Variants in DLG2 observed in about 807,000 individuals in gnomAD.
DLG2 encodes the protein disks large homolog 2.
In DLG2, 45 loss-of-function variants were observed where a neutral mutation model predicts 132.5. That is an observed-to-expected ratio of 0.34 (90% CI 0.27 to 0.44). The LOEUF (loss-of-function observed/expected upper bound fraction) is 0.44. Ranked by LOEUF, DLG2 falls within the 20% of genes least tolerant of loss-of-function variation. The pLI, the probability that DLG2 is intolerant of heterozygous loss-of-function variation, is 1.00. For missense variants in DLG2, 1,045 were observed against 1,196.9 expected, an observed-to-expected ratio of 0.87 and a Z score of 1.87; for synonymous variants, 424 against 419.6, an observed-to-expected ratio of 1.01 and a Z score of -0.13.
chr11:84,536,439 C>T (rs771393293), intron 6 of DLG2, among the ~76,000 whole-genome samples: 7 of 152,166 alleles, frequency 4.6e-5, no homozygotes, highest in Admixed American at 1.3e-4. Context: ...TGAGAATACA[C>T]GACACAATGA....
rs1274945652 is a variant in DLG2, at chr11:84,440,100, C to A, written c.519+94470G>T. 2.0e-5 allele frequency among the ~76,000 whole-genome samples: 3 copies of A among 152,104 alleles called. No homozygotes were observed. The East Asian group carries it at 5.8e-4, about 29-fold the overall frequency. ...TACTGGTTTTGCCTTTATGTTGAAC[C>A]TTTAGTGACCTTTTTTACACACCTG... On this transcript the variant is annotated intron_variant, in intron 7 of 27. Coordinates refer to ENST00000376104, the MANE Select transcript of DLG2 (RefSeq NM_001142699.3).
intron 6 of DLG2, among the ~76,000 whole-genome samples, chr11:84,678,839 T>C (rs2099721529): frequency 1.3e-5 from 2 of 152,090 alleles, no homozygotes; most frequent in East Asian, 1.9e-4. Flanking sequence ...CCATGTGACT[T>C]AGGTAATTTA....
chr11:84,545,346 A>G (rs2099387523), intron 6 of DLG2: 2 of 523,940 alleles, frequency 3.8e-6, no homozygotes, highest in Admixed American at 2.1e-5. Flanking sequence ...TGCTTCCATC[A>G]TTTACAAATC....
chr11:84,193,877 G>T (rs1566887702), intron 8 of DLG2, among the ~76,000 whole-genome samples: 2 of 152,166 alleles, frequency 1.3e-5, no homozygotes, highest in East Asian at 3.9e-4. Flanking sequence ...TTGGGCAAGG[G>T]GTGTTGTTGT....
At chr11:83,561,883 CTTTTTTTTTTTT>C (rs66514406) in intron 19 of DLG2, among the ~76,000 whole-genome samples, 2 of 87,966 alleles carry the variant, frequency 2.3e-5, no homozygotes, top group African/African-American at 4.6e-5. Flanking sequence ...GTATTTCTTT[CTTTTTTTTTTTT>C]TTTTTTTTTT....
At chr11:84,317,013 C>T (rs1485999613) in intron 7 of DLG2, 16 of 1,612,662 alleles carry the variant, frequency 9.9e-6, no homozygotes, top group Non-Finnish European at 1.4e-5. Flanking sequence ...GAACTGTACC[C>T]GAGCCCCTGA....
intron 8 of DLG2, among the ~76,000 whole-genome samples, chr11:84,235,002 C>A (rs1423104201): frequency 2.0e-5 from 3 of 152,188 alleles, no homozygotes; most frequent in African/African-American, 7.2e-5. Flanking sequence ...CGCTGTGAAG[C>A]CTGCGGCCTG....
At chr11:84,470,637 A>C (rs1303404276) in intron 7 of DLG2, among the ~76,000 whole-genome samples, 1 of 151,824 alleles carries the variant, frequency 6.6e-6, no homozygotes, top group Non-Finnish European at 1.5e-5. Flanking sequence ...TAAGAGATAC[A>C]ATTGCATAAA....
At chr11:84,635,204 G>T (rs1812666296) in intron 6 of DLG2, among the ~76,000 whole-genome samples, 1 of 152,232 alleles carries the variant, frequency 6.6e-6, no homozygotes, top group Admixed American at 6.5e-5. Flanking sequence ...CAGCTTGGGT[G>T]TGCCCATGTG....
At chr11:84,234,784 C>G (rs750523272) in intron 8 of DLG2, among the ~76,000 whole-genome samples, 2 of 152,186 alleles carry the variant, frequency 1.3e-5, no homozygotes, top group African/African-American at 4.8e-5. Context: ...AGAGAGCAGG[C>G]CCTGAAAGAA....
intron 14 of DLG2, among the ~76,000 whole-genome samples, chr11:83,960,865 A>G (rs1486175682): frequency 6.6e-6 from 1 of 151,950 alleles, no homozygotes. Context: ...AGGGGTGTGT[A>G]TGTGTATGTT....
At chr11:84,291,392 A>G (rs1467093468) in intron 7 of DLG2, among the ~76,000 whole-genome samples, 3 of 152,190 alleles carry the variant, frequency 2.0e-5, no homozygotes. Context: ...CTACCTTTTG[A>G]GTTATCATTA....
At chr11:85,283,776 T>C (rs1017245850) in intron 4 of DLG2, among the ~76,000 whole-genome samples, 1 of 151,810 alleles carries the variant, frequency 6.6e-6, no homozygotes, top group South Asian at 2.1e-4. Flanking sequence ...AGATGGCTGA[T>C]AGCATTGTTC....
chr11:83,716,238 A>C (rs1323406445), intron 18 of DLG2, among the ~76,000 whole-genome samples: 2 of 152,220 alleles, frequency 1.3e-5, no homozygotes, highest in African/African-American at 2.4e-5. Flanking sequence ...AGAAAACCAC[A>C]TATCAATAAA....
rs891785286 is a variant in DLG2, at chr11:85,588,963, G to A, written c.40+9694C>T. Among the ~76,000 whole-genome samples the A allele has an allele frequency of 8.5e-5, 13 of 152,126 alleles. 1 individual carries two copies. The highest frequency in any genetic ancestry group is 6.5e-4 in the Admixed American group (10 of 15,278). On this transcript the variant is annotated intron_variant, in intron 3 of 27. Transcript: ENST00000376104. ...TCTTCTGAGTCTAGCCACCGAGTACGGCTACCAGGCTCCGAGCTGGTGCTG... is the reference window on the plus strand; with the variant it reads ...TCTTCTGAGTCTAGCCACCGAGTACAGCTACCAGGCTCCGAGCTGGTGCTG...
chr11:85,111,496 A>AT lies in DLG2; in HGVS notation c.357+164dup, dbSNP rs760234065. On this transcript the variant is annotated intron_variant, in intron 6 of 27. Coordinates refer to ENST00000376104, the MANE Select transcript of DLG2 (RefSeq NM_001142699.3). ...ATGCATGGAATCCCTAATCACTGATATTTTTTATAATGCAAAGCTTTCTGA... is the reference window on the plus strand; with the variant it reads ...ATGCATGGAATCCCTAATCACTGATATTTTTTTATAATGCAAAGCTTTCTGA... Among the ~76,000 whole-genome samples the AT allele has an allele frequency of 9.2e-5, 14 of 152,244 alleles. No homozygotes were observed. In the South Asian group the frequency reaches 2.5e-3, roughly 27 times the overall value.
At position 84,392,752 on chromosome 11, in the gene DLG2, G is replaced by A. The variant is rs146642903; in HGVS notation, c.520-141461C>T. 8.3e-3 allele frequency among the ~76,000 whole-genome samples: 1,264 copies of A among 152,202 alleles called. 7 individuals are homozygous for A. Among genetic ancestry groups the A allele is most frequent in the Non-Finnish European group, 0.012 (796 of 67,996 alleles). On this transcript the variant is annotated intron_variant, in intron 7 of 27. Transcript: ENST00000376104. ...GGTAAAACATCTTGTCCAAGTTTTTGTAGTTACACCTTTGAAATTATAACG... is the reference window on the plus strand; with the variant it reads ...GGTAAAACATCTTGTCCAAGTTTTTATAGTTACACCTTTGAAATTATAACG...
chr11:84,740,798 C>CA (rs1408981345), intron 6 of DLG2, among the ~76,000 whole-genome samples: 1 of 152,168 alleles, frequency 6.6e-6, no homozygotes, highest in Non-Finnish European at 1.5e-5. Flanking sequence ...CTGAGCCCGC[C>CA]AATCTGTTTC....
intron 4 of DLG2, among the ~76,000 whole-genome samples, chr11:85,247,601 C>T (rs927882933): frequency 2.0e-5 from 3 of 151,954 alleles, no homozygotes; most frequent in African/African-American, 4.8e-5. Context: ...TGCTAGTCTA[C>T]AGGCAACAGA....
Sources: allele counts gnomAD v4.1 joint callset (sites outside exome capture counted in the v4.1 genomes callset), GRCh38; gene constraint gnomAD v4.1.1; transcripts MANE v1.5; gene names NCBI Gene and HGNC (gene_info 2026-07-23, HGNC 2026-07-21).